Variants in VPS37A observed in about 807,000 individuals in gnomAD.
The protein encoded by VPS37A is VPS37A subunit of ESCRT-I, also known as vacuolar protein sorting-associated protein 37A.
A neutral mutation model predicts 49.8 loss-of-function variants in VPS37A; 30 were observed. That is an observed-to-expected ratio of 0.60 (90% CI 0.45 to 0.82). The LOEUF (loss-of-function observed/expected upper bound fraction) is 0.82. Among genes scored for constraint, VPS37A ranks in the 40% least tolerant of loss-of-function variants. The probability of loss-of-function intolerance (pLI) is 0.00; values close to 1 mark genes in which losing one functional copy is unlikely to be tolerated. For missense variants in VPS37A, 593 were observed against 464.4 expected (o/e 1.28, Z -2.55); for synonymous variants, 195 against 160.6 (o/e 1.21, Z -1.62).
chr8:17,329,925 G>T, the VPS37A span, among the ~76,000 whole-genome samples: 1 of 152,116 alleles, frequency 6.6e-6, no homozygotes, highest in African/African-American at 2.4e-5. Context: ...AATGGCTCTG[G>T]GGCTGAGATG....
chr8:17,314,693 G>A, the VPS37A span, among the ~76,000 whole-genome samples: 1 of 152,158 alleles, frequency 6.6e-6, no homozygotes, highest in Non-Finnish European at 1.5e-5. Flanking sequence ...AAAATTCCCA[G>A]CAAAACACCC....
chr8:17,254,518 T>G (rs768313642), intron 1 of VPS37A, among the ~76,000 whole-genome samples: 4 of 152,234 alleles, frequency 2.6e-5, no homozygotes, highest in African/African-American at 7.2e-5. Flanking sequence ...CCCCAAACTC[T>G]TAGTTTGCAT....
chr8:17,317,348 G>T, the VPS37A span, among the ~76,000 whole-genome samples: 1 of 152,192 alleles, frequency 6.6e-6, no homozygotes, highest in Non-Finnish European at 1.5e-5. Context: ...TTCGATGTTT[G>T]TAGGCCCCGG....
chr8:17,268,453 G>T, intron 3 of VPS37A, 81 bp downstream of exon 3: 3 of 1,062,574 alleles, frequency 2.8e-6, no homozygotes, highest in East Asian at 2.6e-5. Flanking sequence ...AATCTGAAAT[G>T]CATTTAAAGT....
At chr8:17,285,699 G>T (rs919411105) in intron 10 of VPS37A, among the ~76,000 whole-genome samples, 2 of 152,272 alleles carry the variant, frequency 1.3e-5, no homozygotes, top group Admixed American at 1.3e-4. Flanking sequence ...TATAGTGTTA[G>T]TAAGGCATTG....
intron 1 of VPS37A, among the ~76,000 whole-genome samples, chr8:17,254,091 T>A (rs1443499502): frequency 6.6e-6 from 1 of 152,192 alleles, no homozygotes; most frequent in Non-Finnish European, 1.5e-5. Context: ...TTTGTTGAAT[T>A]TGGTGCACAG....
At chr8:17,331,149 C>T in the VPS37A span, 1 of 1,609,934 alleles carries the variant, frequency 6.2e-7, no homozygotes, top group Non-Finnish European at 8.5e-7. Flanking sequence ...AAATGGTTTA[C>T]CTTCCAGCAT....
At chr8:17,293,718 G>A (rs763313311) in intron 11 of VPS37A, among the ~76,000 whole-genome samples, 2 of 152,170 alleles carry the variant, frequency 1.3e-5, no homozygotes, top group African/African-American at 4.8e-5. Flanking sequence ...CTCTTCTGCA[G>A]GTCTGCTGGA....
intron 1 of VPS37A, among the ~76,000 whole-genome samples, chr8:17,248,772 C>A (rs976949575): frequency 6.6e-6 from 1 of 152,126 alleles, no homozygotes; most frequent in Non-Finnish European, 1.5e-5. Context: ...TTCGTTGTCT[C>A]AATTGTTCTG....
intron 3 of VPS37A, 142 bp downstream of exon 3, chr8:17,268,514 C>A (rs1281677634): frequency 3.2e-6 from 2 of 622,610 alleles, no homozygotes; most frequent in Non-Finnish European, 5.4e-6. Context: ...TAAGACTACG[C>A]CTTAAAGTTC....
chr8:17,310,976 A>G, the VPS37A span, among the ~76,000 whole-genome samples: 1 of 152,162 alleles, frequency 6.6e-6, no homozygotes, highest in Non-Finnish European at 1.5e-5. Flanking sequence ...CTCAAACTCT[A>G]CAGGATATAC....
intron 5 of VPS37A, among the ~76,000 whole-genome samples, chr8:17,275,344 T>A (rs1443246127): frequency 6.6e-6 from 1 of 152,222 alleles, no homozygotes; most frequent in Non-Finnish European, 1.5e-5. Flanking sequence ...AACAAATGCA[T>A]GCATTTATGC....
rs79318323 is a variant in VPS37A at position 17,260,266 on chromosome 8, A to T, written c.126-5641A>T. On this transcript the variant is annotated intron_variant, in intron 1 of 11. Transcript: ENST00000324849. ...GGTTTTCATGAGGTTTACAAAAAAC[A>T]TATATGTAATAAGTTATTTCAAAGA... 4.3e-3 allele frequency among the ~76,000 whole-genome samples: 653 copies of T among 152,268 alleles called. 3 individuals carry two copies. The highest frequency in any genetic ancestry group is 0.015 in the African/African-American group (626 of 41,564).
At chr8:17,317,799 C>CT in the VPS37A span, among the ~76,000 whole-genome samples, 14 of 152,156 alleles carry the variant, frequency 9.2e-5, no homozygotes, top group African/African-American at 2.4e-4. Flanking sequence ...TAAATTGCAG[C>CT]TTTTTTTTCT....
the VPS37A span, among the ~76,000 whole-genome samples, chr8:17,325,422 G>T: frequency 3.9e-5 from 6 of 152,190 alleles, no homozygotes; most frequent in Non-Finnish European, 7.3e-5. Context: ...ACCTGACTTT[G>T]CCACAAAACA....
chr8:17,290,124 A>G (rs1014039455), intron 11 of VPS37A, among the ~76,000 whole-genome samples: 13 of 152,348 alleles, frequency 8.5e-5, no homozygotes, highest in East Asian at 3.9e-4. Flanking sequence ...TTTCCTAAAT[A>G]TACAATCGGG....
At chr8:17,264,002 A>T (rs1813206638) in intron 1 of VPS37A, among the ~76,000 whole-genome samples, 1 of 152,194 alleles carries the variant, frequency 6.6e-6, no homozygotes, top group African/African-American at 2.4e-5. Flanking sequence ...TCCATGTTCT[A>T]CATGCCTATT....
At chr8:17,304,886 G>A (rs575396710), downstream of VPS37A, among the ~76,000 whole-genome samples, 12 of 152,178 alleles carry the variant, frequency 7.9e-5, no homozygotes, top group African/African-American at 2.9e-4. Flanking sequence ...CTGAGTTGCT[G>A]TGAGCTCTGT....
chr8:17,300,071 G>A (rs140365611), downstream of VPS37A: 70 of 1,613,976 alleles, frequency 4.3e-5, no homozygotes, highest in Admixed American at 2.0e-4. Context: ...GAAGGGCTCC[G>A]GGATGGAAAT....
Sources: allele counts gnomAD v4.1 joint callset (sites outside exome capture counted in the v4.1 genomes callset), GRCh38; gene constraint gnomAD v4.1.1; transcripts MANE v1.5; gene names NCBI Gene and HGNC (gene_info 2026-07-23, HGNC 2026-07-21).